Variants in SDK1 observed in about 807,000 individuals in gnomAD.
SDK1 encodes protein sidekick-1.
In SDK1, 157 loss-of-function variants were observed where a neutral mutation model predicts 245.5. The ratio of observed to expected loss-of-function variants is 0.64; its 90% CI spans 0.56 to 0.73. The LOEUF (loss-of-function observed/expected upper bound fraction) is 0.73, where lower values mean the gene tolerates loss of function less well. Ranked by LOEUF, SDK1 falls within the 30% of genes least tolerant of loss-of-function variation. The pLI is 0.00. For synonymous variants in SDK1, 1,647 were observed against 1,278.5 expected (o/e 1.29, Z -6.15); for missense variants, 3,583 against 3,002.3 (o/e 1.19, Z -4.52).
chr7:3,700,475 A>G (rs1056133401), intron 4 of SDK1, among the ~76,000 whole-genome samples: 4 of 152,208 alleles, frequency 2.6e-5, no homozygotes, highest in Non-Finnish European at 1.5e-5. Flanking sequence ...TTAAACTGGT[A>G]AACGTTGATA....
intron 4 of SDK1, among the ~76,000 whole-genome samples, chr7:3,718,316 C>T (rs1014481570): frequency 1.3e-5 from 2 of 151,970 alleles, no homozygotes; most frequent in African/African-American, 2.4e-5. Context: ...GCCTGGGTGA[C>T]ATGGTGAAAC....
At chr7:3,357,448 T>C (rs1193713506) in intron 1 of SDK1, among the ~76,000 whole-genome samples, 1 of 141,838 alleles carries the variant, frequency 7.1e-6, no homozygotes, top group Non-Finnish European at 1.5e-5. Context: ...CTCCCTGGGC[T>C]CAGGTGATCT....
intron 5 of SDK1, among the ~76,000 whole-genome samples, chr7:3,825,613 CCTTG>C (rs1422165972): frequency 1.3e-5 from 2 of 152,146 alleles, no homozygotes; most frequent in Non-Finnish European, 2.9e-5. Context: ...GCTGACAAAC[CCTTG>C]CTTTTAATTC....
At chr7:3,612,875 G>C (rs992957703) in intron 1 of SDK1, among the ~76,000 whole-genome samples, 9 of 152,034 alleles carry the variant, frequency 5.9e-5, no homozygotes, top group Non-Finnish European at 1.0e-4. Context: ...CACTTCACCG[G>C]GACACGTGGA....
chr7:3,731,449 A>G (rs555437453), intron 4 of SDK1, among the ~76,000 whole-genome samples: 147 of 152,286 alleles, frequency 9.7e-4, no homozygotes, highest in African/African-American at 3.2e-3. Flanking sequence ...GTGAAATACA[A>G]GGAAGCCAGC....
At chr7:3,714,493 A>G (rs1465036018) in intron 4 of SDK1, among the ~76,000 whole-genome samples, 1 of 152,204 alleles carries the variant, frequency 6.6e-6, no homozygotes, top group Admixed American at 6.5e-5. Flanking sequence ...TAATAAGTTT[A>G]TCCCATTTGC....
Position 3,756,746 on chromosome 7 carries a change from G to A in SDK1, c.714-64704G>A, listed in dbSNP as rs6942517. Among the ~76,000 whole-genome samples, 467 of 152,076 alleles carry A rather than the reference G, an allele frequency of 3.1e-3. 3 individuals are homozygous for A. Among genetic ancestry groups the A allele is most frequent in the African/African-American group, 0.011 (449 of 41,486 alleles). On this transcript the variant is annotated intron_variant, in intron 4 of 44. Coordinates refer to ENST00000404826, the MANE Select transcript of SDK1 (RefSeq NM_152744.4). ...ACTTTGACCCTTTTGAAGAGTCCTCGTCAGGCATCTTTGGGTCGTGTCCCT... is the reference window on the plus strand; with the variant it reads ...ACTTTGACCCTTTTGAAGAGTCCTCATCAGGCATCTTTGGGTCGTGTCCCT...
chr7:3,648,967 G>C (rs1583269870), intron 4 of SDK1, among the ~76,000 whole-genome samples: 2 of 152,174 alleles, frequency 1.3e-5, no homozygotes, highest in East Asian at 1.9e-4. Context: ...GTTAAGGAAG[G>C]GGGTGCCATG....
intron 1 of SDK1, among the ~76,000 whole-genome samples, chr7:3,466,737 C>G (rs1239376177): frequency 1.3e-5 from 2 of 151,644 alleles, no homozygotes; most frequent in African/African-American, 4.8e-5. Flanking sequence ...TTATGATAAT[C>G]TGTCAAGAGG....
At position 3,744,694 on chromosome 7, in the gene SDK1, C is replaced by T. The variant is rs552278632; in HGVS notation, c.714-76756C>T. On this transcript the variant is annotated intron_variant, in intron 4 of 44. Coordinates refer to ENST00000404826, the MANE Select transcript of SDK1 (RefSeq NM_152744.4). The stretch of plus-strand genomic sequence containing the variant: ...AGGCGTGGTGGCGGGTGCCTGTAGT[C>T]TCAGCTACTCGGGAGGCTGAGGCAG... Among the ~76,000 whole-genome samples, 10 of 152,114 alleles carry T rather than the reference C, an allele frequency of 6.6e-5. No homozygotes were observed. In the East Asian group the frequency reaches 1.9e-3, roughly 29 times the overall value.
chr7:3,685,162 G>A (rs1352677745), intron 4 of SDK1, among the ~76,000 whole-genome samples: 1 of 150,982 alleles, frequency 6.6e-6, no homozygotes, highest in African/African-American at 2.4e-5. Flanking sequence ...TAGGATAAAT[G>A]CAAATAAATT....
At chr7:3,999,473 G>A (rs760836519) in intron 14 of SDK1, among the ~76,000 whole-genome samples, 2 of 152,234 alleles carry the variant, frequency 1.3e-5, no homozygotes, top group Non-Finnish European at 2.9e-5. Flanking sequence ...GGGAAGGGGG[G>A]TTCCCTGTGG....
chr7:3,573,005 G>C (rs539261392), intron 1 of SDK1, among the ~76,000 whole-genome samples: 2 of 152,170 alleles, frequency 1.3e-5, no homozygotes, highest in South Asian at 2.1e-4. Context: ...CCACCCAAAA[G>C]TGAGGGACAG....
At chr7:3,479,375 T>C (rs1038594439) in intron 1 of SDK1, among the ~76,000 whole-genome samples, 8 of 141,034 alleles carry the variant, frequency 5.7e-5, no homozygotes, top group Non-Finnish European at 1.2e-4. Flanking sequence ...TGAGCCGATA[T>C]TGTGCCACTG....
At chr7:3,479,181 G>T (rs2128601359) in intron 1 of SDK1, among the ~76,000 whole-genome samples, 1 of 152,166 alleles carries the variant, frequency 6.6e-6, no homozygotes, top group East Asian at 1.9e-4. Context: ...TAGCACTTTG[G>T]GAGGCTGAGG....
intron 35 of SDK1, among the ~76,000 whole-genome samples, chr7:4,202,441 C>G (rs1783942708): frequency 6.6e-6 from 1 of 152,194 alleles, no homozygotes; most frequent in South Asian, 2.1e-4. Context: ...GACTGGCCAG[C>G]CTCAGGGCTG....
intron 1 of SDK1, among the ~76,000 whole-genome samples, chr7:3,371,985 T>C (rs546255632): frequency 1.3e-5 from 2 of 152,320 alleles, no homozygotes; most frequent in East Asian, 3.9e-4. Flanking sequence ...CTCAGGTATC[T>C]TGTCTATTAA....
At chr7:3,749,434 G>C (rs1779716349) in intron 4 of SDK1, among the ~76,000 whole-genome samples, 1 of 152,194 alleles carries the variant, frequency 6.6e-6, no homozygotes. Context: ...TGAGTAGCTG[G>C]GATTACAGGC....
At chr7:4,002,229 G>A (rs1052528676) in intron 14 of SDK1, among the ~76,000 whole-genome samples, 8 of 105,146 alleles carry the variant, frequency 7.6e-5, no homozygotes, top group Non-Finnish European at 1.1e-4. Flanking sequence ...GGCTGTGCCC[G>A]TCTCTGAGTC....
Sources: allele counts gnomAD v4.1 joint callset (sites outside exome capture counted in the v4.1 genomes callset), GRCh38; gene constraint gnomAD v4.1.1; transcripts MANE v1.5; gene names NCBI Gene and HGNC (gene_info 2026-07-23, HGNC 2026-07-21).